The following TUBGCP6 variants were observed in gnomAD, a reference collection of about 807,000 sequenced individuals.
TUBGCP6 encodes gamma-tubulin complex component 6.
TUBGCP6 carries 161 observed loss-of-function variants against 175.8 expected under a neutral mutation model. The ratio of observed to expected loss-of-function variants is 0.92; its 90% CI spans 0.81 to 1.04. The LOEUF (loss-of-function observed/expected upper bound fraction) is 1.04. Among genes scored for constraint, TUBGCP6 ranks in the 50% least tolerant of loss-of-function variants. The pLI is 0.00. For synonymous variants in TUBGCP6, 1,173 were observed against 1,030.5 expected (o/e 1.14, Z -2.65); for missense variants, 2,572 against 2,433.0 (o/e 1.06, Z -1.20).
At chr22:50,222,963 G>C (rs777235068) in intron 13 of TUBGCP6, 77 of 197,648 alleles carry the variant, frequency 3.9e-4, no homozygotes, top group Middle Eastern at 1.9e-3. Context: ...CCTGAGAACT[G>C]AAAACTAATG....
chr22:50,221,649 G>C lies in TUBGCP6; in HGVS notation c.2710C>G (p.Pro904Ala). Residue 904 changes from proline (P) to alanine (A), a missense_variant, in exon 16 of 25, where the codon CCA (proline) becomes GCA (alanine). Transcript: ENST00000248846. Reference sequence around the variant, plus strand: ...GTCTGCACGGACGGCTCAGCCCCTGGGCCCACAGGTAGGAAGTCTCCAATG... The same window carrying C: ...GTCTGCACGGACGGCTCAGCCCCTGCGCCCACAGGTAGGAAGTCTCCAATG... ...LSIGDFLPVG[P>A]GAEPSVQTGM... is the part of the protein sequence containing the mutation. 1 of 1,524,290 alleles carries C rather than the reference G, an allele frequency of 6.6e-7. No homozygotes were observed. Among genetic ancestry groups the C allele is most frequent in the Non-Finnish European group, 8.8e-7 (1 of 1,136,412 alleles). The allele number at this position is 1,524,290 out of a possible 1,614,324, so 94.4% of individuals were successfully genotyped here.
At chr22:50,243,371 T>C (rs934144722) in intron 1 of TUBGCP6, among the ~76,000 whole-genome samples, 4 of 151,062 alleles carry the variant, frequency 2.6e-5, no homozygotes, top group South Asian at 4.2e-4. Context: ...GAGAATCACT[T>C]GACCCCGGGA....
Position 50,243,925 on chromosome 22 carries a change from G to C in TUBGCP6, c.535C>G (p.Leu179Val), listed in dbSNP as rs773287942. 1 of 1,614,002 alleles carries C rather than the reference G, an allele frequency of 6.2e-7. No individual in the cohort carries two copies. The change falls in exon 1 of 25, where the codon CTT (leucine) becomes GTT (valine). Residue 179 changes from leucine to valine, a missense_variant. Transcript: ENST00000248846. ...CCTGGAGCAGCCTCCATAACCTGAAGTGTTTCCTGGATCATGCTGTGACAC... is the reference window on the plus strand; with the variant it reads ...CCTGGAGCAGCCTCCATAACCTGAACTGTTTCCTGGATCATGCTGTGACAC... ...CLCHSMIQET[L>V]QVMEAAPGTG...
Position 50,219,310 on chromosome 22 carries a change from T to C in TUBGCP6, c.4462A>G (p.Ile1488Val), listed in dbSNP as rs2147174042. 1 of 1,604,228 alleles carries C rather than the reference T, an allele frequency of 6.2e-7. No homozygotes were observed. The highest frequency in any genetic ancestry group is 8.5e-7 in the Non-Finnish European group (1 of 1,176,480). Residue 1488 changes from isoleucine (I) to valine (V), a missense_variant, in exon 19 of 25, where the codon ATC (isoleucine) becomes GTC (valine). Ile to Val is a conservative substitution (Grantham distance 29). Transcript: ENST00000248846. ...CACTGGGCGGCCAGCGGTGCCGTGA[T>C]GGAGCGCTTCATGAGCACGGGCAGC... ...LTLPVLMKRS[I>V]TAPLAAHISL...
Position 50,225,873 on chromosome 22 carries a change from T to C in TUBGCP6, c.1904A>G (p.Glu635Gly). The C allele has an allele frequency of 6.2e-7, 1 of 1,613,416 alleles. No homozygotes were observed. Among genetic ancestry groups the C allele is most frequent in the Non-Finnish European group, 8.5e-7 (1 of 1,179,894 alleles). ...GTAGACGGCACAGTCCTTCTCAATC[T>C]CCTTCAACTCCTCAAGGGAGAAAAT... ...SVIFSLEELK[E>G]IEKDCAVYVG... The change falls in exon 10 of 25, where the codon GAG becomes GGG. Residue 635 changes from glutamate to glycine, a missense_variant. Coordinates refer to ENST00000248846, the MANE Select transcript of TUBGCP6 (RefSeq NM_020461.4).
rs1306920701 is a variant in TUBGCP6, at chr22:50,226,730, C to T, written c.1601+3G>A. 3 of 1,577,468 alleles carry T rather than the reference C, an allele frequency of 1.9e-6. No homozygotes were observed. The highest frequency in any genetic ancestry group is 8.6e-7 in the Non-Finnish European group (1 of 1,162,044). On this transcript the variant is annotated splice_donor_region_variant and intron_variant, in intron 7 of 24. Coordinates refer to ENST00000248846, the MANE Select transcript of TUBGCP6 (RefSeq NM_020461.4). The stretch of plus-strand genomic sequence containing the variant: ...CGCCGCGCCTGCCCAGCCCACTGCC[C>T]ACCGGGTGTAGGGCTCGCAGCTGGT...
At chr22:50,239,176 GT>G (rs1485750912) in intron 2 of TUBGCP6, among the ~76,000 whole-genome samples, 2 of 151,294 alleles carry the variant, frequency 1.3e-5, no homozygotes, top group Non-Finnish European at 3.0e-5. Context: ...GTGTTTTTTT[GT>G]TTGTTTGTTT....
chr22:50,238,815 G>A (rs1363873855), intron 2 of TUBGCP6, among the ~76,000 whole-genome samples: 3 of 152,148 alleles, frequency 2.0e-5, no homozygotes, highest in East Asian at 1.9e-4. Context: ...GTTTTTAAAC[G>A]TGTGAGGGAT....
rs375819855 is a variant in TUBGCP6, at chr22:50,226,095, G to A, written c.1788C>T (p.Tyr596=). 4.5e-5 allele frequency: 73 copies of A among 1,614,042 alleles called. No individual in the cohort carries two copies. The highest frequency in any genetic ancestry group is 1.6e-4 in the Middle Eastern group (1 of 6,084). ...GCAGGTTAATGGTCTTTCCGCAGAC[G>A]TATATGTCGTGGGCAATGTGCTTCA... ...VFLKHIAHDI[Y]VCGKTINLLK... The change falls in exon 9 of 25, where the codon TAC becomes TAT. Residue 596 remains tyrosine, a synonymous_variant. Transcript: ENST00000248846.
rs34455105 is a variant in TUBGCP6, at chr22:50,221,708, G to A, written c.2651C>T (p.Ala884Val). ...GTCAGAGAAGGGTCTGGCCCCCTCC[G>A]CCTGCTGCAGCCCCCTGCCACCAGC... ...VGAGGRGLQQ[A>V]EGARPFSDSL... The change falls in exon 16 of 25, where the codon GCG becomes GTG. Residue 884 changes from alanine (A) to valine (V), a missense_variant. Ala to Val is a moderately conservative substitution (Grantham distance 64). Coordinates refer to ENST00000248846, the MANE Select transcript of TUBGCP6 (RefSeq NM_020461.4). 0.055 allele frequency: 82,656 copies of A among 1,514,872 alleles called. 2,623 individuals are homozygous for A. Among genetic ancestry groups the A allele is most frequent in the Middle Eastern group, 0.15 (815 of 5,584 alleles). 93.8% of individuals were successfully genotyped at this position (1,514,872 alleles called of 1,614,324 possible). A position where few individuals can be genotyped will look rare whatever the true frequency, so the allele number is the denominator to read the frequency against.
chr22:50,240,114 G>A (rs948706106), intron 2 of TUBGCP6, 90 bp downstream of exon 2: 9 of 1,555,302 alleles, frequency 5.8e-6, no homozygotes, highest in East Asian at 2.4e-5. Context: ...CTGGACCCCT[G>A]AGTACACAAC....
chr22:50,233,032 A>C (rs910029449), intron 3 of TUBGCP6, among the ~76,000 whole-genome samples: 5 of 152,240 alleles, frequency 3.3e-5, no homozygotes, highest in African/African-American at 1.2e-4. Flanking sequence ...GCACTTCAGG[A>C]CGGAAATGGA....
Position 50,226,114 on chromosome 22 carries a change from T to C in TUBGCP6, c.1769A>G (p.His590Arg), listed in dbSNP as rs2064604196. 6.2e-7 allele frequency: 1 copy of C among 1,614,052 alleles called. No homozygotes were observed. Among genetic ancestry groups the C allele is most frequent in the African/African-American group, 1.3e-5 (1 of 74,924 alleles). The change falls in exon 9 of 25, where the codon CAC becomes CGC. Residue 590 changes from histidine to arginine, a missense_variant. Transcript: ENST00000248846. ...VEDCVPVFLK[H>R]IAHDIYVCGK... ...GCAGACGTATATGTCGTGGGCAATG[T>C]GCTTCAGAAACACGGGAACACAGTC...
intron 13 of TUBGCP6, 27 bp from the exon 14 acceptor site, chr22:50,222,619 G>T: frequency 6.2e-7 from 1 of 1,603,786 alleles, no homozygotes. Flanking sequence ...GAGAGGACAC[G>T]GCCACAAGAG....
chr22:50,221,377 G>A lies in TUBGCP6; in HGVS notation c.2982C>T (p.Ala994=). 6.2e-7 allele frequency: 1 copy of A among 1,609,774 alleles called. No individual in the cohort carries two copies. Among genetic ancestry groups the A allele is most frequent in the South Asian group, 1.1e-5 (1 of 91,018 alleles). The change falls in exon 16 of 25, where the codon GCC becomes GCT. Residue 994 remains alanine (A), a synonymous_variant. Transcript: ENST00000248846. ...LWEDSCGKMD[A]CGSASRETLL... is the part of the protein sequence containing the mutation. ...GAGTCTCCCGCGAGGCGGAGCCACA[G>A]GCATCCATCTTCCCACAACTGTCCT...
chr22:50,227,090 G>A lies in TUBGCP6; in HGVS notation c.1413-13C>T. ...CTCGGCCAGGTACCTAGACCCAGAG[G>A]CAGGATGAGACCAGGTGACCGGGCT... On this transcript the variant is annotated splice_polypyrimidine_tract_variant and intron_variant, in intron 5 of 24. Coordinates refer to ENST00000248846, the MANE Select transcript of TUBGCP6 (RefSeq NM_020461.4). 6.2e-7 allele frequency: 1 copy of A among 1,607,334 alleles called. No individual in the cohort carries two copies. Among genetic ancestry groups the A allele is most frequent in the South Asian group, 1.1e-5 (1 of 89,928 alleles).
rs528159783 is a variant in TUBGCP6 at position 50,219,654 on chromosome 22, G to T, written c.4305C>A (p.Tyr1435Ter). ...AACTGCTGCACTCACACATGGACTCGTAACTGTCCGGGTACCGCTCCAAGT... is the reference window on the plus strand; with the variant it reads ...AACTGCTGCACTCACACATGGACTCTTAACTGTCCGGGTACCGCTCCAAGT... ...QYHLERYPDS[Y>*]ESMSEPPIAH... Residue 1435 changes from tyrosine (Y) to a stop codon, truncating the protein, a stop_gained, in exon 18 of 25, where the codon TAC becomes TAA. Transcript: ENST00000248846. LOFTEE classifies it high-confidence loss of function. 2 of 1,613,484 alleles carry T rather than the reference G, an allele frequency of 1.2e-6. No homozygotes were observed. Among genetic ancestry groups the T allele is most frequent in the South Asian group, 2.2e-5 (2 of 91,074 alleles).
intron 16 of TUBGCP6, 39 bp downstream of exon 16, chr22:50,220,212 C>T: frequency 6.5e-7 from 1 of 1,546,060 alleles, no homozygotes. Context: ...CTGTGCGTCC[C>T]ACAGTCCCAC....
At chr22:50,225,614 T>C (rs1200363865) in intron 10 of TUBGCP6, among the ~76,000 whole-genome samples, 180 bp downstream of exon 10, 3 of 68,948 alleles carry the variant, frequency 4.4e-5, no homozygotes, top group Admixed American at 3.2e-4. Context: ...CAACTCCCCG[T>C]TGACACCCAC....
Sources: gnomAD v4.1 joint callset for allele counts (sites outside exome capture counted in the v4.1 genomes callset) on GRCh38, gnomAD v4.1.1 for gene constraint, MANE v1.5 for transcripts, NCBI Gene and HGNC (gene_info 2026-07-23, HGNC 2026-07-21) for gene names.